Variants in SOX5 observed in about 807,000 individuals in gnomAD.
The protein encoded by SOX5 is transcription factor SOX-5.
A neutral mutation model predicts 92.0 loss-of-function variants in SOX5; 9 were observed. The observed-to-expected ratio is 0.10, with a 90% confidence interval of 0.06 to 0.17. The LOEUF (loss-of-function observed/expected upper bound fraction) is 0.17. SOX5 is among the 10% of genes least tolerant of loss of function. The pLI, the probability that SOX5 is intolerant of heterozygous loss-of-function variation, is 1.00. For missense variants in SOX5, 642 were observed against 944.5 expected (o/e 0.68, Z 4.20); for synonymous variants, 344 against 336.3 (o/e 1.02, Z -0.25).
intron 1 of SOX5, among the ~76,000 whole-genome samples, chr12:24,454,166 C>A (rs769312453): frequency 2.6e-5 from 4 of 152,068 alleles, no homozygotes; most frequent in Non-Finnish European, 4.4e-5. Context: ...GTGAATAAAC[C>A]TGAACTATTG....
chr12:24,557,047 A>G (rs1034410713), intron 1 of SOX5, among the ~76,000 whole-genome samples: 2 of 152,300 alleles, frequency 1.3e-5, no homozygotes, highest in East Asian at 3.9e-4. Flanking sequence ...AGTATCTAAC[A>G]TAATCCAAAC....
intron 4 of SOX5, among the ~76,000 whole-genome samples, chr12:23,970,237 T>C (rs1360743811): frequency 6.6e-6 from 1 of 151,912 alleles, no homozygotes; most frequent in Non-Finnish European, 1.5e-5. Context: ...CTTCTTTTTT[T>C]TTTGGTTTTT....
At chr12:23,951,125 A>T, upstream of SOX5, 1 of 473,322 alleles carries the variant, frequency 2.1e-6, no homozygotes, top group Non-Finnish European at 3.8e-6. Context: ...TTGAGAGGGC[A>T]GGTCAGTTGA....
chr12:23,570,931 ATATATATATATATATATAT>A (rs1421715444), intron 10 of SOX5, among the ~76,000 whole-genome samples: 268 of 16,788 alleles, frequency 0.016, 49 homozygotes, highest in African/African-American at 0.024. Flanking sequence ...AAAAAAAAAA[ATATATATATATATATATAT>A]ATATATATAT....
intron 4 of SOX5, among the ~76,000 whole-genome samples, chr12:23,962,792 T>C (rs986131219): frequency 1.3e-5 from 2 of 152,204 alleles, no homozygotes; most frequent in African/African-American, 4.8e-5. Flanking sequence ...GATCTAAAAA[T>C]ATTCCATTTA....
At chr12:24,188,799 T>C (rs978945241) in intron 4 of SOX5, among the ~76,000 whole-genome samples, 2 of 152,192 alleles carry the variant, frequency 1.3e-5, no homozygotes, top group Non-Finnish European at 2.9e-5. Context: ...CCATTTCTAC[T>C]AATGAATTAC....
intron 1 of SOX5, among the ~76,000 whole-genome samples, chr12:23,905,154 G>A (rs2097278630): frequency 1.3e-5 from 2 of 152,130 alleles, no homozygotes; most frequent in African/African-American, 4.8e-5. Flanking sequence ...AAAGTGAGCA[G>A]GAAAACTAAC....
At chr12:24,039,162 CTG>C (rs1447252642) in intron 4 of SOX5, among the ~76,000 whole-genome samples, 3 of 152,056 alleles carry the variant, frequency 2.0e-5, no homozygotes, top group Non-Finnish European at 4.4e-5. Flanking sequence ...GTCATGGAAA[CTG>C]TGAGTTTTCC....
At chr12:24,479,095 T>A (rs1161722016) in intron 1 of SOX5, among the ~76,000 whole-genome samples, 2 of 152,206 alleles carry the variant, frequency 1.3e-5, no homozygotes, top group African/African-American at 4.8e-5. Context: ...ATATTCCAGT[T>A]TCTTAACTCT....
intron 3 of SOX5, among the ~76,000 whole-genome samples, chr12:24,272,085 C>T (rs1595024345): frequency 6.6e-6 from 1 of 152,100 alleles, no homozygotes; most frequent in Non-Finnish European, 1.5e-5. Flanking sequence ...GAGAAAGAGA[C>T]ATCTTTACAA....
At chr12:24,195,907 C>T (rs986509683) in intron 4 of SOX5, among the ~76,000 whole-genome samples, 2 of 151,726 alleles carry the variant, frequency 1.3e-5, no homozygotes, top group African/African-American at 4.8e-5. Flanking sequence ...TGTTTTGAAA[C>T]AGGGTCTCAT....
At chr12:24,117,848 T>C (rs1198005561) in intron 4 of SOX5, among the ~76,000 whole-genome samples, 8 of 151,574 alleles carry the variant, frequency 5.3e-5, no homozygotes, top group Non-Finnish European at 8.8e-5. Context: ...AGTGAAACCC[T>C]ATCTCTACTA....
intron 3 of SOX5, among the ~76,000 whole-genome samples, chr12:24,255,470 CA>C (rs2140198099): frequency 6.6e-6 from 1 of 152,238 alleles, no homozygotes; most frequent in East Asian, 1.9e-4. Flanking sequence ...TATCTTACCC[CA>C]ATTCCAAAAC....
intron 8 of SOX5, among the ~76,000 whole-genome samples, chr12:23,635,999 G>A (rs1260534842): frequency 1.3e-5 from 2 of 152,088 alleles, no homozygotes; most frequent in Admixed American, 6.6e-5. Flanking sequence ...CAAAGAATAA[G>A]GAAGTCTAGG....
At chr12:24,239,268 G>A (rs1304668566) in intron 3 of SOX5, among the ~76,000 whole-genome samples, 1 of 152,084 alleles carries the variant, frequency 6.6e-6, no homozygotes. Flanking sequence ...TAGATGCTTG[G>A]GCAGTAGCTC....
At position 23,821,782 on chromosome 12, in the gene SOX5, C is replaced by CT. The variant is rs1285894641; in HGVS notation, c.481+24200dup. 7.2e-5 allele frequency among the ~76,000 whole-genome samples: 11 copies of CT among 152,024 alleles called. 2 individuals are homozygous for CT. The East Asian group carries it at 7.7e-4, about 11-fold the overall frequency. On this transcript the variant is annotated intron_variant, in intron 3 of 14. Coordinates refer to ENST00000451604, the MANE Select transcript of SOX5 (RefSeq NM_006940.6). ...ATCAGGGATATTGGCCTGAAATTTT[C>CT]TTTTTTTGCTGTATGTGTTGTTATT...
intron 1 of SOX5, among the ~76,000 whole-genome samples, chr12:24,408,975 G>T (rs1450424126): frequency 1.3e-5 from 2 of 151,984 alleles, no homozygotes; most frequent in African/African-American, 4.8e-5. Flanking sequence ...CCCATTACTG[G>T]GTATATACCC....
At chr12:24,524,694 T>C (rs1950550352) in intron 1 of SOX5, among the ~76,000 whole-genome samples, 1 of 152,024 alleles carries the variant, frequency 6.6e-6, no homozygotes, top group African/African-American at 2.4e-5. Context: ...ATTGAGAAAT[T>C]AGAACTTTTG....
chr12:24,010,368 T>C lies in SOX5; in HGVS notation c.-1-114344A>G, dbSNP rs868042557. Reference sequence around the variant, plus strand: ...TGTAAGATGAATGAATATGTGTGTATGGAGGAAAGAAATTTGAAAAGGAAG... The same window carrying C: ...TGTAAGATGAATGAATATGTGTGTACGGAGGAAAGAAATTTGAAAAGGAAG... On this transcript the variant is annotated intron_variant, in intron 4 of 4. Coordinates refer to the SOX5 transcript ENST00000446891. Among the ~76,000 whole-genome samples the C allele has an allele frequency of 1.5e-4, 23 of 152,278 alleles. No individual in the cohort carries two copies. In the Middle Eastern group the frequency reaches 0.01, roughly 68 times the overall value.
Sources: gnomAD v4.1 joint callset for allele counts (sites outside exome capture counted in the v4.1 genomes callset) on GRCh38, gnomAD v4.1.1 for gene constraint, MANE v1.5 for transcripts, NCBI Gene and HGNC (gene_info 2026-07-23, HGNC 2026-07-21) for gene names.